The following MYO3A variants were observed in gnomAD, a reference collection of about 807,000 sequenced individuals.
MYO3A encodes myosin-IIIa.
MYO3A carries 180 observed loss-of-function variants against 192.7 expected under a neutral mutation model. That is an observed-to-expected ratio of 0.93 (90% CI 0.83 to 1.06). The LOEUF (loss-of-function observed/expected upper bound fraction) is 1.06. MYO3A is among the 50% of genes least tolerant of loss of function. The probability of loss-of-function intolerance (pLI) is 0.00; values close to 1 mark genes in which losing one functional copy is unlikely to be tolerated. For missense variants in MYO3A, 1,896 were observed against 1,905.0 expected, an observed-to-expected ratio of 1.00 and a Z score of 0.09; for synonymous variants, 628 against 645.3, an observed-to-expected ratio of 0.97 and a Z score of 0.41.
At chr10:25,966,680 T>C (rs1286577742) in intron 4 of MYO3A, among the ~76,000 whole-genome samples, 1 of 152,194 alleles carries the variant, frequency 6.6e-6, no homozygotes, top group African/African-American at 2.4e-5. Flanking sequence ...CAGCAAAAAC[T>C]GCAAGAATGG....
intron 6 of MYO3A, among the ~76,000 whole-genome samples, chr10:26,013,720 G>C (rs1841812662): frequency 6.6e-6 from 1 of 151,978 alleles, no homozygotes; most frequent in South Asian, 2.1e-4. Flanking sequence ...ACTCCTTAAA[G>C]AGCTATTAAT....
At chr10:26,052,568 T>C (rs529756026) in intron 10 of MYO3A, among the ~76,000 whole-genome samples, 62 of 152,348 alleles carry the variant, frequency 4.1e-4, no homozygotes, top group Non-Finnish European at 5.0e-4. Context: ...CCGTCGGTAC[T>C]ACCAATGCTG....
chr10:26,119,479 T>C (rs1838720686), intron 17 of MYO3A, among the ~76,000 whole-genome samples: 1 of 152,156 alleles, frequency 6.6e-6, no homozygotes, highest in Non-Finnish European at 1.5e-5. Flanking sequence ...ATATTTGTTG[T>C]TTATGTATTT....
rs552200308 is a variant in MYO3A, at chr10:26,206,664, G to C, written c.4730+3557G>C. 1.4e-3 allele frequency among the ~76,000 whole-genome samples: 210 copies of C among 151,580 alleles called. 1 individual carries two copies. Among genetic ancestry groups the C allele is most frequent in the Non-Finnish European group, 2.5e-3 (167 of 67,882 alleles). On this transcript the variant is annotated intron_variant, in intron 34 of 34. Coordinates refer to ENST00000642920, the MANE Select transcript of MYO3A (RefSeq NM_017433.5). ...GGGTTTCACCATGTTGGCCAGGCTG[G>C]TCTCAAACTCCTGACCTCAGGTGAT...
intron 14 of MYO3A, among the ~76,000 whole-genome samples, chr10:26,076,734 C>T (rs12250247): frequency 0.025 from 3,844 of 152,172 alleles, 187 homozygotes; most frequent in African/African-American, 0.087. Context: ...TATCCCAGCA[C>T]CATTTGTTGA....
chr10:26,188,468 T>G (rs1039088722), intron 31 of MYO3A, among the ~76,000 whole-genome samples: 3 of 152,352 alleles, frequency 2.0e-5, no homozygotes, highest in East Asian at 1.9e-4. Flanking sequence ...TGGTAGTTTC[T>G]TTGGCTGTGC....
At chr10:26,145,597 A>C (rs890678670) in intron 22 of MYO3A, 63 bp downstream of exon 22, 2 of 1,284,220 alleles carry the variant, frequency 1.6e-6, no homozygotes, top group African/African-American at 1.5e-5. Context: ...AATAGGATAG[A>C]CATGAAAATT....
intron 32 of MYO3A, among the ~76,000 whole-genome samples, chr10:26,198,403 G>A (rs1843519346): frequency 6.6e-6 from 1 of 152,048 alleles, no homozygotes; most frequent in Admixed American, 6.6e-5. Context: ...AATGACTCAG[G>A]GCCAAGTTTC....
At chr10:26,111,638 T>C (rs956964198) in intron 17 of MYO3A, among the ~76,000 whole-genome samples, 4 of 152,224 alleles carry the variant, frequency 2.6e-5, no homozygotes, top group South Asian at 2.1e-4. Flanking sequence ...GTCAGTGTCC[T>C]GGCTCTTAAA....
chr10:26,017,483 G>A (rs1842045967), intron 7 of MYO3A, among the ~76,000 whole-genome samples: 2 of 152,032 alleles, frequency 1.3e-5, no homozygotes, highest in South Asian at 2.1e-4. Context: ...ACTTATGAAG[G>A]ACCCTTATTT....
chr10:25,985,915 A>G (rs1229217837), intron 4 of MYO3A, among the ~76,000 whole-genome samples: 1 of 152,018 alleles, frequency 6.6e-6, no homozygotes, highest in Admixed American at 6.6e-5. Flanking sequence ...AGACCAGAAG[A>G]AAACTGCATA....
At chr10:26,080,018 G>A (rs928331732) in intron 14 of MYO3A, among the ~76,000 whole-genome samples, 2 of 152,112 alleles carry the variant, frequency 1.3e-5, no homozygotes, top group Non-Finnish European at 2.9e-5. Flanking sequence ...AGACCTTATT[G>A]TGATGAATTT....
chr10:26,143,530 A>C lies in MYO3A; in HGVS notation c.2345A>C (p.Lys782Thr). The C allele has an allele frequency of 6.2e-7, 1 of 1,614,044 alleles. No homozygotes were observed. Among genetic ancestry groups the C allele is most frequent in the Non-Finnish European group, 8.5e-7 (1 of 1,179,952 alleles). The change falls in exon 21 of 35, where the codon AAG becomes ACG. Residue 782 changes from lysine to threonine, a missense_variant. Lys to Thr is a moderately conservative substitution (Grantham distance 78, BLOSUM62 -1). Coordinates refer to ENST00000642920, the MANE Select transcript of MYO3A (RefSeq NM_017433.5). ...NWPLLDMFLQKPMGLLSLLDE... is the reference protein window; with the variant it reads ...NWPLLDMFLQTPMGLLSLLDE... The stretch of plus-strand genomic sequence containing the variant: ...CCCCTCTTAGATATGTTTCTGCAAA[A>C]GCCAATGGGTTTACTTTCCCTACTT...
intron 34 of MYO3A, among the ~76,000 whole-genome samples, chr10:26,211,125 C>T (rs1187316264): frequency 1.3e-5 from 2 of 152,178 alleles, no homozygotes; most frequent in African/African-American, 2.4e-5. Context: ...CTTCTGCTCA[C>T]CTGTCACCTA....
intron 8 of MYO3A, among the ~76,000 whole-genome samples, chr10:26,023,641 G>A (rs1170531288): frequency 6.6e-6 from 1 of 152,118 alleles, no homozygotes; most frequent in East Asian, 1.9e-4. Flanking sequence ...GGCCACTTCT[G>A]TGTTCCCTGG....
intron 14 of MYO3A, among the ~76,000 whole-genome samples, chr10:26,073,672 A>T (rs971531084): frequency 2.0e-5 from 3 of 150,372 alleles, no homozygotes; most frequent in Admixed American, 6.6e-5. Context: ...ATAAATAAAT[A>T]ATTATTTTTA....
chr10:26,105,554 CT>C (rs1837745489), intron 17 of MYO3A, among the ~76,000 whole-genome samples: 1 of 151,940 alleles, frequency 6.6e-6, no homozygotes, highest in African/African-American at 2.4e-5. Context: ...TATTTATATG[CT>C]TTATGTCAAT....
chr10:26,196,557 G>A (rs781421799), intron 32 of MYO3A, among the ~76,000 whole-genome samples: 12 of 152,142 alleles, frequency 7.9e-5, no homozygotes, highest in Non-Finnish European at 1.0e-4. Context: ...TATTACAAGT[G>A]AAGATATACC....
At chr10:26,009,286 G>C (rs1007940306) in intron 6 of MYO3A, among the ~76,000 whole-genome samples, 2 of 152,094 alleles carry the variant, frequency 1.3e-5, no homozygotes, top group African/African-American at 4.8e-5. Flanking sequence ...TAAATGATGA[G>C]TTAATGGGTG....
Sources: gnomAD v4.1 joint callset for allele counts (sites outside exome capture counted in the v4.1 genomes callset) on GRCh38, gnomAD v4.1.1 for gene constraint, MANE v1.5 for transcripts, NCBI Gene and HGNC (gene_info 2026-07-23, HGNC 2026-07-21) for gene names.